Variants in PSPC1 observed in about 807,000 individuals in gnomAD.
The protein encoded by PSPC1 is paraspeckle protein 1.
Under a neutral mutation model 51.6 loss-of-function variants are expected in PSPC1, and 14 were observed. The ratio of observed to expected loss-of-function variants is 0.27; its 90% CI spans 0.18 to 0.42. The LOEUF is 0.42. Among genes scored for constraint, PSPC1 ranks in the 10% least tolerant of loss-of-function variants. The probability of loss-of-function intolerance (pLI) is 1.00; values close to 1 mark genes in which losing one functional copy is unlikely to be tolerated. For synonymous variants in PSPC1, 193 were observed against 231.9 expected (o/e 0.83, Z 1.53); for missense variants, 406 against 701.1 (o/e 0.58, Z 4.75).
intron 6 of PSPC1, among the ~76,000 whole-genome samples, chr13:19,723,709 T>C (rs1043714922): frequency 6.6e-6 from 1 of 152,236 alleles, no homozygotes; most frequent in Non-Finnish European, 1.5e-5. Context: ...TGTGTAAACA[T>C]TACAAACTTA....
chr13:19,742,030 G>A (rs1299006424), intron 4 of PSPC1, among the ~76,000 whole-genome samples: 1 of 152,092 alleles, frequency 6.6e-6, no homozygotes, highest in African/African-American at 2.4e-5. Context: ...TACTCAGAAG[G>A]CTGAGGCAGG....
rs1880049207 is a variant in PSPC1 at position 19,702,566 on chromosome 13, T to C, written c.*609A>G. The C allele has an allele frequency of 6.6e-6, 1 of 152,200 alleles. No individual in the cohort carries two copies. The highest frequency in any genetic ancestry group is 6.5e-5 in the Admixed American group (1 of 15,276). 9.4% of individuals were successfully genotyped at this position (152,200 alleles called of 1,614,324 possible). ...CAGGACAAAGATATCCTTAATAATC[T>C]GTCTCAGAATACCTGAATATTCAGA... On this transcript the variant is annotated 3_prime_UTR_variant, in exon 9 of 9. Coordinates refer to ENST00000338910, the MANE Select transcript of PSPC1 (RefSeq NM_001354909.2).
intron 5 of PSPC1, among the ~76,000 whole-genome samples, chr13:19,739,458 A>G (rs1377963343): frequency 6.6e-6 from 1 of 152,096 alleles, no homozygotes. Flanking sequence ...TAAAAATAGA[A>G]AAGATCTGGC....
At chr13:19,716,279 C>T (rs1882082791) in intron 6 of PSPC1, among the ~76,000 whole-genome samples, 1 of 152,068 alleles carries the variant, frequency 6.6e-6, no homozygotes, top group South Asian at 2.1e-4. Context: ...TACCAATAAC[C>T]TAATTTAAAG....
At chr13:19,704,896 C>G (rs1234064314) in intron 8 of PSPC1, among the ~76,000 whole-genome samples, 1 of 152,060 alleles carries the variant, frequency 6.6e-6, no homozygotes, top group African/African-American at 2.4e-5. Flanking sequence ...TTTGGAAATA[C>G]ACAAAAACTT....
chr13:19,692,520 T>C (rs1219235308), intron 6 of PSPC1, among the ~76,000 whole-genome samples: 4 of 152,230 alleles, frequency 2.6e-5, no homozygotes, highest in Non-Finnish European at 5.9e-5. Flanking sequence ...TGGTGACAGA[T>C]GGTAGGTCCT....
intron 3 of PSPC1, among the ~76,000 whole-genome samples, chr13:19,753,191 G>A (rs112380276): frequency 1.3e-5 from 2 of 149,680 alleles, no homozygotes; most frequent in African/African-American, 4.9e-5. Context: ...GCTAAGGCAG[G>A]AGAATCGCTT....
intron 5 of PSPC1, among the ~76,000 whole-genome samples, chr13:19,736,591 G>C (rs1884847749): frequency 6.6e-6 from 1 of 152,168 alleles, no homozygotes; most frequent in Non-Finnish European, 1.5e-5. Context: ...GCTGAGGCAG[G>C]AGAATGGCAT....
chr13:19,730,129 T>A (rs1181867876), intron 6 of PSPC1, 110 bp downstream of exon 6: 3 of 787,918 alleles, frequency 3.8e-6, no homozygotes, highest in Non-Finnish European at 6.2e-6. Flanking sequence ...CATGATGAAT[T>A]TAGAAAGATT....
chr13:19,777,834 T>C (rs957818858), intron 1 of PSPC1, among the ~76,000 whole-genome samples: 1 of 152,070 alleles, frequency 6.6e-6, no homozygotes, highest in African/African-American at 2.4e-5. Context: ...TAGTCCCAGC[T>C]ACTCAGGAGG....
At chr13:19,741,865 C>T (rs570549035) in intron 4 of PSPC1, among the ~76,000 whole-genome samples, 1 of 152,316 alleles carries the variant, frequency 6.6e-6, no homozygotes, top group East Asian at 1.9e-4. Flanking sequence ...GGTGCGGTGG[C>T]CCACGCCTAC....
chr13:19,672,729 T>C (rs1876205300), downstream of PSPC1: 1 of 164,686 alleles, frequency 6.1e-6, no homozygotes, highest in East Asian at 1.7e-4. Context: ...TATCATCTTT[T>C]CAAAGGGTAA....
At chr13:19,718,106 C>T (rs1202827496) in intron 6 of PSPC1, among the ~76,000 whole-genome samples, 2 of 152,106 alleles carry the variant, frequency 1.3e-5, no homozygotes, top group Non-Finnish European at 2.9e-5. Context: ...TGATACAACT[C>T]AATAGCATGT....
At chr13:19,735,731 A>C (rs1884693887) in intron 5 of PSPC1, among the ~76,000 whole-genome samples, 1 of 151,982 alleles carries the variant, frequency 6.6e-6, no homozygotes, top group Admixed American at 6.6e-5. Context: ...AATTGTGACA[A>C]TTTTCTTCAT....
intron 5 of PSPC1, 21 bp from the exon 6 acceptor site, chr13:19,730,365 A>T: frequency 1.2e-6 from 2 of 1,606,946 alleles, no homozygotes; most frequent in Non-Finnish European, 1.7e-6. Flanking sequence ...TTCAAATAAA[A>T]ATTTCAGCAT....
At chr13:19,708,540 A>G (rs954488725) in intron 7 of PSPC1, among the ~76,000 whole-genome samples, 1 of 152,170 alleles carries the variant, frequency 6.6e-6, no homozygotes, top group African/African-American at 2.4e-5. Context: ...CAGGTTATTT[A>G]CTTGGCATTA....
chr13:19,726,493 G>A (rs959270046), intron 6 of PSPC1, among the ~76,000 whole-genome samples: 1 of 152,194 alleles, frequency 6.6e-6, no homozygotes, highest in African/African-American at 2.4e-5. Flanking sequence ...AAAAAAATGT[G>A]ATCAAAGATC....
intron 2 of PSPC1, among the ~76,000 whole-genome samples, chr13:19,765,355 T>C (rs2138246938): frequency 6.8e-6 from 1 of 147,676 alleles, no homozygotes; most frequent in South Asian, 2.1e-4. Flanking sequence ...ATTATTATTA[T>C]TATTATTATT....
intron 4 of PSPC1, among the ~76,000 whole-genome samples, chr13:19,750,979 G>C (rs1276322652): frequency 6.6e-6 from 1 of 152,044 alleles, no homozygotes; most frequent in Non-Finnish European, 1.5e-5. Flanking sequence ...AGGTTGGTCA[G>C]GCAGGTCTCG....
Sources: allele counts gnomAD v4.1 joint callset (sites outside exome capture counted in the v4.1 genomes callset), GRCh38; gene constraint gnomAD v4.1.1; transcripts MANE v1.5; gene names NCBI Gene and HGNC (gene_info 2026-07-23, HGNC 2026-07-21).